The following KBTBD3 variants were observed in gnomAD, a reference collection of about 807,000 sequenced individuals.
KBTBD3 encodes the protein kelch repeat and BTB domain-containing protein 3.
KBTBD3 carries 38 observed loss-of-function variants against 49.6 expected under a neutral mutation model. The ratio of observed to expected loss-of-function variants is 0.77; its 90% confidence interval spans 0.59 to 1.00. KBTBD3 has a LOEUF of 1.00. Ranked by LOEUF, KBTBD3 falls within the 50% of genes least tolerant of loss-of-function variation. The pLI is 0.00. For synonymous variants in KBTBD3, 214 were observed against 250.4 expected (o/e 0.85, Z 1.37); for missense variants, 661 against 712.0 (o/e 0.93, Z 0.81).
At chr11:106,065,301 C>T (rs1028871289) in intron 2 of KBTBD3, among the ~76,000 whole-genome samples, 25 of 152,162 alleles carry the variant, frequency 1.6e-4, no homozygotes, top group Admixed American at 5.2e-4. Context: ...CCACCGCGCC[C>T]GGCCTGTTTT....
chr11:106,058,479 C>T (rs556290271), intron 3 of KBTBD3, among the ~76,000 whole-genome samples: 7 of 151,624 alleles, frequency 4.6e-5, no homozygotes, highest in African/African-American at 7.3e-5. Flanking sequence ...GGCTGGAGTG[C>T]GGTGGCGCGA....
At chr11:106,060,475 T>C (rs1353616163) in intron 2 of KBTBD3, among the ~76,000 whole-genome samples, 1 of 152,144 alleles carries the variant, frequency 6.6e-6, no homozygotes, top group Non-Finnish European at 1.5e-5. Flanking sequence ...TGAAGCTGTA[T>C]ACCATGTGGG....
intron 2 of KBTBD3, among the ~76,000 whole-genome samples, chr11:106,065,285 C>T (rs1040005928): frequency 5.9e-5 from 9 of 152,146 alleles, no homozygotes; most frequent in Admixed American, 3.9e-4. Context: ...GGACTACAGG[C>T]GTGAGCCACC....
chr11:106,073,986 A>G (rs538865027), intron 2 of KBTBD3, among the ~76,000 whole-genome samples: 1 of 152,222 alleles, frequency 6.6e-6, no homozygotes, highest in Non-Finnish European at 1.5e-5. Context: ...TCATTTATTC[A>G]ACAAATATTA....
chr11:106,074,119 C>CA (rs556246889), intron 2 of KBTBD3, among the ~76,000 whole-genome samples: 7 of 88,814 alleles, frequency 7.9e-5, no homozygotes, highest in South Asian at 4.2e-4. Flanking sequence ...AACACCCCCC[C>CA]CCACACACAT....
At chr11:106,067,162 A>G (rs1181881178) in intron 2 of KBTBD3, among the ~76,000 whole-genome samples, 1 of 152,176 alleles carries the variant, frequency 6.6e-6, no homozygotes, top group Non-Finnish European at 1.5e-5. Context: ...GCAGAAGACC[A>G]CACAAAAAAA....
Position 106,077,329 on chromosome 11 carries a change from G to A in KBTBD3, c.-231C>T, listed in dbSNP as rs140590073. 41 of 203,924 alleles carry A rather than the reference G, an allele frequency of 2.0e-4. No homozygotes were observed. The highest frequency in any genetic ancestry group is 3.3e-4 in the Non-Finnish European group (32 of 97,386). The allele number at this position is 203,924 out of a possible 1,614,324, so 12.6% of individuals were successfully genotyped here. On this transcript the variant is annotated 5_prime_UTR_variant, in exon 1 of 4. Transcript: ENST00000531837. ...TCACCCACCTGCAACTGCAGTCTCCGAAGTCTCCACCCCAGTCTCCCTGCC... is the reference window on the plus strand; with the variant it reads ...TCACCCACCTGCAACTGCAGTCTCCAAAGTCTCCACCCCAGTCTCCCTGCC...
chr11:106,061,435 C>T (rs902260069), intron 2 of KBTBD3, among the ~76,000 whole-genome samples: 1 of 152,146 alleles, frequency 6.6e-6, no homozygotes, highest in Admixed American at 6.5e-5. Context: ...TGATGAGTGA[C>T]AATTTGTTTG....
At chr11:106,064,401 C>A (rs1348622638) in intron 2 of KBTBD3, among the ~76,000 whole-genome samples, 1 of 151,644 alleles carries the variant, frequency 6.6e-6, no homozygotes, top group Non-Finnish European at 1.5e-5. Context: ...AAAAATTAGC[C>A]GGGCATGATG....
At position 106,058,992 on chromosome 11, in the gene KBTBD3, G is replaced by C. The variant is rs1351690816; in HGVS notation, c.106C>G (p.Gln36Glu). Residue 36 changes from glutamine (Q) to glutamate (E), a missense_variant, in exon 3 of 4, where the codon CAA (glutamine) becomes GAA (glutamate). By Grantham distance (29) the Gln-to-Glu change is conservative. Transcript: ENST00000531837. ...TTCTGTAGTACACTTAAGATTTTTT[G>C]TCCATGATCTTCTGATACAAGGAAG... is the stretch of plus-strand genomic sequence containing the variant. ...NNFLVSEDHG[Q>E]KILSVLQNFR... 7 of 1,555,190 alleles carry C rather than the reference G, an allele frequency of 4.5e-6. No homozygotes were observed. Among genetic ancestry groups the C allele is most frequent in the Non-Finnish European group, 6.0e-6 (7 of 1,160,286 alleles).
intron 3 of KBTBD3, among the ~76,000 whole-genome samples, chr11:106,056,851 G>A (rs181780847): frequency 2.6e-5 from 4 of 152,232 alleles, no homozygotes; most frequent in East Asian, 1.9e-4. Flanking sequence ...GGGACCTGAA[G>A]GATATGGGGG....
intron 3 of KBTBD3, among the ~76,000 whole-genome samples, chr11:106,055,778 A>G (rs1166818432): frequency 6.6e-6 from 1 of 152,232 alleles, no homozygotes; most frequent in Non-Finnish European, 1.5e-5. Context: ...TGAGAAGAAT[A>G]AATGGGTTAA....
In KBTBD3 at chr11:106,054,220, A is replaced by G; in HGVS notation, c.469T>C (p.Leu157=). The change falls in exon 4 of 4, where the codon TTA becomes CTA. Residue 157 remains leucine, a synonymous_variant. Coordinates refer to ENST00000531837, the MANE Select transcript of KBTBD3 (RefSeq NM_198439.3). ...CCATAGCTATCTGATATAGATAATA[A>G]CTGTAAACAATTGACAAGATTAATA... ...KSINLVNCLQ[L]LSISDSYGST... is the part of the protein sequence containing the mutation. 6.2e-7 allele frequency: 1 copy of G among 1,612,448 alleles called. No homozygotes were observed. The highest frequency in any genetic ancestry group is 8.5e-7 in the Non-Finnish European group (1 of 1,179,142).
Position 106,053,576 on chromosome 11 carries a change from A to T in KBTBD3, c.1113T>A (p.Asp371Glu). The T allele has an allele frequency of 6.2e-7, 1 of 1,613,838 alleles. No homozygotes were observed. The change falls in exon 4 of 4, where the codon GAT (aspartate) becomes GAA (glutamate). Residue 371 changes from aspartate to glutamate, a missense_variant. Transcript: ENST00000531837. ...TCACTGGACAGTAGCACCAGGTTTG[A>T]TCAGTGGCATCATGATATGACTCGG... Reference protein sequence around the residue: ...HIAESYHDATDQTWCYCPVKN... With the variant: ...HIAESYHDATEQTWCYCPVKN...
At position 106,053,746 on chromosome 11, in the gene KBTBD3, T is replaced by C. The variant is rs1860485336; in HGVS notation, c.943A>G (p.Asn315Asp). The C allele has an allele frequency of 1.2e-6, 2 of 1,613,768 alleles. No individual in the cohort carries two copies. ...NGENQYTFCY[N>D]IKSDSWKILP... ...ATTTTCCATGAATCAGATTTAATGTTATAGCAAAATGTATATTGATTTTCT... is the reference window on the plus strand; with the variant it reads ...ATTTTCCATGAATCAGATTTAATGTCATAGCAAAATGTATATTGATTTTCT... Residue 315 changes from asparagine to aspartate, a missense_variant, in exon 4 of 4, where the codon AAC becomes GAC. Asn to Asp is a conservative substitution (Grantham distance 23). Transcript: ENST00000531837.
chr11:106,059,810 A>G (rs545200057), intron 2 of KBTBD3, among the ~76,000 whole-genome samples: 3 of 152,368 alleles, frequency 2.0e-5, no homozygotes, highest in South Asian at 2.1e-4. Flanking sequence ...CTCTAAACAT[A>G]AAAGTTGCAT....
chr11:106,065,002 G>A (rs1860777367), intron 2 of KBTBD3, among the ~76,000 whole-genome samples: 1 of 152,110 alleles, frequency 6.6e-6, no homozygotes, highest in Admixed American at 6.5e-5. Flanking sequence ...AAGTTCTCTG[G>A]AAGATTAGAA....
At chr11:106,067,555 G>T (rs1860832895) in intron 2 of KBTBD3, among the ~76,000 whole-genome samples, 1 of 151,246 alleles carries the variant, frequency 6.6e-6, no homozygotes, top group Admixed American at 6.6e-5. Flanking sequence ...AGGTTGCAGT[G>T]AGCCGAGATC....
chr11:106,070,248 T>C (rs1309803451), intron 2 of KBTBD3, among the ~76,000 whole-genome samples: 5 of 151,970 alleles, frequency 3.3e-5, no homozygotes, highest in Non-Finnish European at 5.9e-5. Context: ...AATTAATAGA[T>C]TGGATTTTAT....
Sources: allele counts gnomAD v4.1 joint callset (sites outside exome capture counted in the v4.1 genomes callset), GRCh38; gene constraint gnomAD v4.1.1; transcripts MANE v1.5; gene names NCBI Gene and HGNC (gene_info 2026-07-23, HGNC 2026-07-21).